Variants in GRXCR2 observed in about 807,000 individuals in gnomAD.
GRXCR2 encodes the protein glutaredoxin domain-containing cysteine-rich protein 2.
In GRXCR2, 23 loss-of-function variants were observed where a neutral mutation model predicts 24.8. That is an observed-to-expected ratio of 0.93 (90% CI 0.67 to 1.32). The LOEUF (loss-of-function observed/expected upper bound fraction) is 1.32, where lower values mean the gene tolerates loss of function less well. Ranked by LOEUF, GRXCR2 falls within the 40% of genes most tolerant of loss-of-function variation. The pLI is 0.00. For synonymous variants in GRXCR2, 130 were observed against 116.1 expected (o/e 1.12, Z -0.77); for missense variants, 315 against 303.4 (o/e 1.04, Z -0.28).
intron 1 of GRXCR2, 94 bp downstream of exon 1, chr5:145,872,539 G>C: frequency 9.6e-7 from 1 of 1,046,576 alleles, no homozygotes; most frequent in Non-Finnish European, 1.4e-6. Flanking sequence ...ACCGGAGGGG[G>C]AGCAAGACAC....
At chr5:145,914,662 C>A (rs1335906608) in intron 2 of GRXCR2, among the ~76,000 whole-genome samples, 5 of 99,488 alleles carry the variant, frequency 5.0e-5, no homozygotes, top group African/African-American at 2.1e-4. Context: ...GGTGATCGAA[C>A]AAGACTCCAT....
At chr5:145,925,841 G>GA (rs907263391) in intron 2 of GRXCR2, among the ~76,000 whole-genome samples, 1 of 151,740 alleles carries the variant, frequency 6.6e-6, no homozygotes, top group Non-Finnish European at 1.5e-5. Flanking sequence ...TTTAATAAGG[G>GA]AAAAAAATTT....
intron 2 of GRXCR2, among the ~76,000 whole-genome samples, chr5:145,921,641 A>G (rs191071853): frequency 3.3e-5 from 5 of 152,322 alleles, no homozygotes; most frequent in East Asian, 1.9e-4. Flanking sequence ...GCAACATTCA[A>G]TGAGGATTAT....
At chr5:145,903,937 G>C (rs972611112) in intron 2 of GRXCR2, among the ~76,000 whole-genome samples, 1 of 152,172 alleles carries the variant, frequency 6.6e-6, no homozygotes, top group African/African-American at 2.4e-5. Flanking sequence ...CAAGCAGGGT[G>C]TTACATGAAG....
In GRXCR2 at chr5:145,910,582, C is replaced by T. The variant is rs566472544; in HGVS notation, c.-70+25119G>A. Among the ~76,000 whole-genome samples the T allele has an allele frequency of 1.4e-4, 21 of 152,086 alleles. No individual in the cohort carries two copies. The South Asian group carries it at 3.1e-3, about 23-fold the overall frequency. On this transcript the variant is annotated intron_variant, in intron 2 of 3. Coordinates refer to the GRXCR2 transcript ENST00000639411. ...GCTACTTCTACTTTGTATATACTTT[C>T]GTAGTACATATGATTACATACTATC...
At chr5:145,907,374 C>T (rs1269950768) in intron 2 of GRXCR2, among the ~76,000 whole-genome samples, 4 of 151,840 alleles carry the variant, frequency 2.6e-5, no homozygotes, top group Non-Finnish European at 5.9e-5. Context: ...ACTAAAAATA[C>T]AAAAATTAGC....
At chr5:145,911,335 T>C (rs1347761501) in intron 2 of GRXCR2, among the ~76,000 whole-genome samples, 1 of 152,212 alleles carries the variant, frequency 6.6e-6, no homozygotes, top group Non-Finnish European at 1.5e-5. Flanking sequence ...TGGCGTCCCC[T>C]GTGCATTGCA....
At chr5:145,885,119 G>GTGTC (rs1233343895) in intron 2 of GRXCR2, among the ~76,000 whole-genome samples, 22 of 151,696 alleles carry the variant, frequency 1.5e-4, no homozygotes, top group South Asian at 8.3e-4. Flanking sequence ...GTGTGTGTGT[G>GTGTC]TGTCTGTCTG....
At chr5:145,896,483 G>T (rs1362506928) in intron 2 of GRXCR2, among the ~76,000 whole-genome samples, 1 of 152,124 alleles carries the variant, frequency 6.6e-6, no homozygotes, top group African/African-American at 2.4e-5. Context: ...GATATGAACA[G>T]ACACTTCTCA....
intron 2 of GRXCR2, among the ~76,000 whole-genome samples, chr5:145,891,596 G>A (rs917233378): frequency 8.5e-5 from 13 of 152,284 alleles, no homozygotes; most frequent in South Asian, 2.1e-4. Flanking sequence ...AGGGGCGCCC[G>A]CCATTGCTGA....
intron 2 of GRXCR2, among the ~76,000 whole-genome samples, chr5:145,929,914 T>A (rs1322598298): frequency 6.6e-6 from 1 of 152,146 alleles, no homozygotes; most frequent in Non-Finnish European, 1.5e-5. Flanking sequence ...TTCTTTATGA[T>A]ACACTAGATC....
chr5:145,903,364 A>C (rs928541854), intron 2 of GRXCR2, among the ~76,000 whole-genome samples: 1 of 152,146 alleles, frequency 6.6e-6, no homozygotes, highest in East Asian at 1.9e-4. Flanking sequence ...AATCTAGATC[A>C]TTCTCTTCAC....
intron 2 of GRXCR2, among the ~76,000 whole-genome samples, chr5:145,889,168 CAAAAAAAGAAAGAAAGAAAG>C (rs1387220407): frequency 9.1e-5 from 5 of 55,192 alleles, no homozygotes; most frequent in African/African-American, 3.2e-4. Context: ...GACTCTGTCT[CAAAAAAAGAAAGAAAGAAAG>C]AAAGAAAGAA....
chr5:145,863,286 G>A (rs1281794574), intron 2 of GRXCR2, among the ~76,000 whole-genome samples: 2 of 152,064 alleles, frequency 1.3e-5, no homozygotes, highest in African/African-American at 4.8e-5. Flanking sequence ...AACTTGTCTG[G>A]GCATTTACTG....
intron 1 of GRXCR2, among the ~76,000 whole-genome samples, chr5:145,868,173 G>GCA (rs1756467116): frequency 6.6e-6 from 1 of 152,050 alleles, no homozygotes; most frequent in African/African-American, 2.4e-5. Flanking sequence ...TGCACAATAT[G>GCA]CAGATTGTGA....
intron 2 of GRXCR2, among the ~76,000 whole-genome samples, chr5:145,918,270 G>C (rs879555447): frequency 2.0e-5 from 3 of 152,146 alleles, no homozygotes; most frequent in Non-Finnish European, 4.4e-5. Context: ...TAGTAGGGCA[G>C]GCAATTTCAT....
At chr5:145,892,314 T>G (rs1756878481) in intron 2 of GRXCR2, among the ~76,000 whole-genome samples, 1 of 152,100 alleles carries the variant, frequency 6.6e-6, no homozygotes, top group South Asian at 2.1e-4. Context: ...AGAAGAAGGC[T>G]TCAGATGATC....
At chr5:145,876,191 G>GTGTATATATATATATATATATA (rs1412232264), upstream of GRXCR2, among the ~76,000 whole-genome samples, 1 of 105,312 alleles carries the variant, frequency 9.5e-6, no homozygotes, top group African/African-American at 3.9e-5. Context: ...GTGTGTGTGT[G>GTGTATATATATATATATATATA]TATATATATA....
intron 2 of GRXCR2, among the ~76,000 whole-genome samples, chr5:145,904,883 A>T (rs1248516381): frequency 6.6e-6 from 1 of 152,164 alleles, no homozygotes. Flanking sequence ...GGGGCTCTTG[A>T]AGGGCGCATG....
Sources: allele counts gnomAD v4.1 joint callset (sites outside exome capture counted in the v4.1 genomes callset), GRCh38; gene constraint gnomAD v4.1.1; transcripts MANE v1.5; gene names NCBI Gene and HGNC (gene_info 2026-07-23, HGNC 2026-07-21).